The following TCEA1 variants were observed in gnomAD, a reference collection of about 807,000 sequenced individuals.
TCEA1 encodes transcription elongation factor A protein 1.
TCEA1 carries 21 observed loss-of-function variants against 43.8 expected under a neutral mutation model. That is an observed-to-expected ratio of 0.48 (90% confidence interval 0.34 to 0.69). TCEA1 has a LOEUF of 0.69. Ranked by LOEUF, TCEA1 falls within the 30% of genes least tolerant of loss-of-function variation. TCEA1 has a pLI of 0.01. For synonymous variants in TCEA1, 104 were observed against 117.5 expected (o/e 0.88, Z 0.75); for missense variants, 250 against 365.1 (o/e 0.68, Z 2.57).
At chr8:53,991,621 G>C (rs1227536106) in intron 4 of TCEA1, among the ~76,000 whole-genome samples, 1 of 151,808 alleles carries the variant, frequency 6.6e-6, no homozygotes, top group Non-Finnish European at 1.5e-5. Flanking sequence ...TTGAATCCAG[G>C]AGGCAGAGGT....
chr8:54,001,308 A>AAAAATATACGGGTACTT (rs1451482189), intron 2 of TCEA1, among the ~76,000 whole-genome samples: 3 of 152,228 alleles, frequency 2.0e-5, no homozygotes, highest in Non-Finnish European at 4.4e-5. Flanking sequence ...CCCTATTGTA[A>AAAAATATACGGGTACTT]GCTTTACGGT....
At chr8:53,998,626 A>G (rs1264110336) in intron 3 of TCEA1, among the ~76,000 whole-genome samples, 1 of 152,134 alleles carries the variant, frequency 6.6e-6, no homozygotes, top group East Asian at 1.9e-4. Context: ...TCCAAATTTG[A>G]CTTTCAGGAA....
At chr8:54,021,270 C>T (rs1805018224) in intron 1 of TCEA1, among the ~76,000 whole-genome samples, 2 of 152,188 alleles carry the variant, frequency 1.3e-5, no homozygotes, top group African/African-American at 4.8e-5. Flanking sequence ...GCTGTAGAAA[C>T]TGGTCGTATG....
intron 5 of TCEA1, 124 bp from the exon 6 acceptor site, chr8:53,987,149 A>G (rs892655953): frequency 7.4e-6 from 6 of 810,022 alleles, no homozygotes; most frequent in Non-Finnish European, 1.0e-5. Flanking sequence ...GAAACCGTTC[A>G]GTTTAGTTCG....
At chr8:54,013,689 AAAAAAAAAAAAAAC>A (rs1804729301) in intron 1 of TCEA1, among the ~76,000 whole-genome samples, 1 of 149,452 alleles carries the variant, frequency 6.7e-6, no homozygotes, top group African/African-American at 2.5e-5. Flanking sequence ...TCAAAAAAAA[AAAAAAAAAAAAAAC>A]AAAAAACAGA....
At chr8:53,983,926 C>A (rs991413877) in intron 7 of TCEA1, among the ~76,000 whole-genome samples, 7 of 152,040 alleles carry the variant, frequency 4.6e-5, no homozygotes, top group Non-Finnish European at 8.8e-5. Flanking sequence ...ATGAAGAAAC[C>A]CTGTCTCTAC....
chr8:53,998,715 G>A (rs1024251686), intron 3 of TCEA1, among the ~76,000 whole-genome samples: 2 of 152,238 alleles, frequency 1.3e-5, no homozygotes, highest in Non-Finnish European at 1.5e-5. Context: ...AGGACCCTAT[G>A]TACATTTCCT....
At chr8:54,018,020 G>A (rs1804892567) in intron 1 of TCEA1, among the ~76,000 whole-genome samples, 1 of 152,160 alleles carries the variant, frequency 6.6e-6, no homozygotes, top group Non-Finnish European at 1.5e-5. Context: ...TACACTTTAA[G>A]AATGAATTTA....
intron 1 of TCEA1, among the ~76,000 whole-genome samples, chr8:54,020,381 T>C (rs1323444014): frequency 2.6e-5 from 4 of 152,062 alleles, no homozygotes; most frequent in Non-Finnish European, 5.9e-5. Context: ...GCACTGGTAA[T>C]ATCTAGAACA....
At position 54,022,201 on chromosome 8, in the gene TCEA1, G is replaced by T; in HGVS notation, c.-76C>A. 6.7e-7 allele frequency: 1 copy of T among 1,492,106 alleles called. No individual in the cohort carries two copies. The highest frequency in any genetic ancestry group is 1.1e-5 in the South Asian group (1 of 87,360). 92.4% of individuals were successfully genotyped at this position (1,492,106 alleles called of 1,614,324 possible). ...CGAAGCTGGAGCGGAAGACACAGCA[G>T]GAGCGACCCCCGGCGCGCAGCAACC... On this transcript the variant is annotated 5_prime_UTR_variant, in exon 1 of 10. It adds an upstream start codon to the 5' untranslated region. Coordinates refer to ENST00000521604, the MANE Select transcript of TCEA1 (RefSeq NM_006756.4).
intron 3 of TCEA1, among the ~76,000 whole-genome samples, chr8:53,998,840 G>C (rs923436615): frequency 2.6e-5 from 4 of 152,072 alleles, no homozygotes; most frequent in Non-Finnish European, 5.9e-5. Flanking sequence ...TTCTGCCTTG[G>C]GGGGAAAACA....
At chr8:54,021,014 C>T (rs1646754105) in intron 1 of TCEA1, among the ~76,000 whole-genome samples, 1 of 151,816 alleles carries the variant, frequency 6.6e-6, no homozygotes, top group South Asian at 2.1e-4. Context: ...ATGGTGAAAC[C>T]CCGTTTCTAC....
chr8:54,022,018 C>T (rs1282060088), intron 1 of TCEA1, 45 bp downstream of exon 1: 42 of 1,548,854 alleles, frequency 2.7e-5, no homozygotes, highest in Non-Finnish European at 3.0e-5. Flanking sequence ...CGGGCCGGAC[C>T]GCGGCCCGGC....
At chr8:53,990,375 T>TTTC (rs1291729500) in intron 4 of TCEA1, among the ~76,000 whole-genome samples, 2 of 150,936 alleles carry the variant, frequency 1.3e-5, no homozygotes, top group Non-Finnish European at 3.0e-5. Context: ...TTTTTTTTTT[T>TTTC]TTCTTTTGAG....
At chr8:53,998,899 TAAAG>T (rs1804155475) in intron 3 of TCEA1, among the ~76,000 whole-genome samples, 2 of 152,140 alleles carry the variant, frequency 1.3e-5, no homozygotes, top group African/African-American at 4.8e-5. Flanking sequence ...TCATAAAAGA[TAAAG>T]AAAAGCTTAA....
At chr8:54,021,815 T>G (rs987935933) in intron 1 of TCEA1, 36 of 348,592 alleles carry the variant, frequency 1.0e-4, no homozygotes, top group East Asian at 2.4e-4. Context: ...CCTAAATCGA[T>G]TAGGTTTATT....
intron 3 of TCEA1, among the ~76,000 whole-genome samples, chr8:53,994,202 G>A (rs867767115): frequency 3.3e-5 from 5 of 152,072 alleles, no homozygotes; most frequent in South Asian, 2.1e-4. Context: ...AAAATTAGCC[G>A]GGCGTGGTGG....
At chr8:53,989,143 C>T (rs1029390200) in intron 4 of TCEA1, among the ~76,000 whole-genome samples, 1 of 152,008 alleles carries the variant, frequency 6.6e-6, no homozygotes, top group Admixed American at 6.6e-5. Flanking sequence ...GAGACAAATA[C>T]CATGTGTACT....
intron 4 of TCEA1, among the ~76,000 whole-genome samples, chr8:53,992,213 G>A (rs1478325213): frequency 6.6e-6 from 1 of 152,148 alleles, no homozygotes; most frequent in African/African-American, 2.4e-5. Flanking sequence ...TCAGGAGACT[G>A]AGGCAGGAGA....
Sources: gnomAD v4.1 joint callset for allele counts (sites outside exome capture counted in the v4.1 genomes callset) on GRCh38, gnomAD v4.1.1 for gene constraint, MANE v1.5 for transcripts, NCBI Gene and HGNC (gene_info 2026-07-23, HGNC 2026-07-21) for gene names.